TXLNB: variants seen among roughly 807,000 people sequenced by gnomAD.
The protein encoded by TXLNB is beta-taxilin.
Under a neutral mutation model 57.4 loss-of-function variants are expected in TXLNB, and 37 were observed. The ratio of observed to expected loss-of-function variants is 0.64; its 90% CI spans 0.50 to 0.85. The LOEUF (loss-of-function observed/expected upper bound fraction) is 0.85, where lower values mean the gene tolerates loss of function less well. Among genes scored for constraint, TXLNB ranks in the 40% least tolerant of loss-of-function variants. The pLI, the probability that TXLNB is intolerant of heterozygous loss-of-function variation, is 0.00. For synonymous variants in TXLNB, 302 were observed against 309.6 expected (o/e 0.98, Z 0.26); for missense variants, 848 against 825.6 (o/e 1.03, Z -0.33).
chr6:139,238,228 T>C (rs933433515), downstream of TXLNB, among the ~76,000 whole-genome samples: 4 of 152,074 alleles, frequency 2.6e-5, no homozygotes, highest in Non-Finnish European at 4.4e-5. Flanking sequence ...ACCCCGTCTC[T>C]ACTAAAAATA....
chr6:139,217,425 AAAT>A, the TXLNB span, among the ~76,000 whole-genome samples: 3 of 152,214 alleles, frequency 2.0e-5, no homozygotes, highest in African/African-American at 7.2e-5. Flanking sequence ...TTATGAGTGA[AAAT>A]AAGAGCTAAT....
At chr6:139,193,840 A>ATATATATTTT in the TXLNB span, among the ~76,000 whole-genome samples, 1 of 85,236 alleles carries the variant, frequency 1.2e-5, no homozygotes, top group African/African-American at 5.0e-5. Context: ...ATATATATAT[A>ATATATATTTT]TTTTTTTTTT....
At chr6:139,253,312 T>TA in intron 7 of TXLNB, among the ~76,000 whole-genome samples, 1 of 152,322 alleles carries the variant, frequency 6.6e-6, no homozygotes, top group African/African-American at 2.4e-5. Context: ...TTTAAAAACT[T>TA]AAACATAGGC....
chr6:139,193,881 G>A, the TXLNB span, among the ~76,000 whole-genome samples: 5,616 of 123,274 alleles, frequency 0.046, 129 homozygotes, highest in Middle Eastern at 0.077. Flanking sequence ...TCGCTCTGTC[G>A]CCCAGGCTGG....
intron 2 of TXLNB, 102 bp downstream of exon 2, chr6:139,288,374 T>A: frequency 9.0e-7 from 1 of 1,107,934 alleles, no homozygotes; most frequent in East Asian, 2.4e-5. Context: ...GCTACTACAG[T>A]CATCCAAATA....
chr6:139,243,958 C>A (rs1776011347), intron 9 of TXLNB, among the ~76,000 whole-genome samples: 1 of 152,104 alleles, frequency 6.6e-6, no homozygotes, highest in African/African-American at 2.4e-5. Flanking sequence ...TCCTTCACCT[C>A]ACCTCTGAGC....
At chr6:139,159,522 GA>G in the TXLNB span, among the ~76,000 whole-genome samples, 1 of 152,120 alleles carries the variant, frequency 6.6e-6, no homozygotes, top group Non-Finnish European at 1.5e-5. Context: ...TTAGTTTGAG[GA>G]AGTGAGGGTG....
intron 4 of TXLNB, chr6:139,269,258 C>A (rs1484129032): frequency 6.6e-6 from 1 of 152,238 alleles, no homozygotes; most frequent in Non-Finnish European, 1.5e-5. Context: ...TCATTCTACT[C>A]TTTATATCTC....
At chr6:139,276,557 A>G (rs1776900783) in intron 3 of TXLNB, among the ~76,000 whole-genome samples, 1 of 152,208 alleles carries the variant, frequency 6.6e-6, no homozygotes, top group Non-Finnish European at 1.5e-5. Flanking sequence ...CCTGATTTAG[A>G]TAACCAAATG....
chr6:139,286,028 C>T (rs1370995515), intron 2 of TXLNB, among the ~76,000 whole-genome samples: 4 of 151,726 alleles, frequency 2.6e-5, no homozygotes, highest in African/African-American at 9.7e-5. Context: ...CTTTCAGTGG[C>T]CTTGTCATAT....
chr6:139,168,913 A>AATGTCACT, the TXLNB span, among the ~76,000 whole-genome samples: 15 of 152,094 alleles, frequency 9.9e-5, no homozygotes, highest in African/African-American at 3.6e-4. Flanking sequence ...CCCATCTTAC[A>AATGTCACT]ATGTCACTAT....
Position 139,242,875 on chromosome 6 carries a change from C to T in TXLNB, c.1706G>A (p.Ser569Asn), listed in dbSNP as rs1481739368. The T allele has an allele frequency of 1.2e-6, 2 of 1,614,050 alleles. No individual in the cohort carries two copies. The highest frequency in any genetic ancestry group is 1.1e-5 in the South Asian group (1 of 91,090). The change falls in exon 10 of 10, where the codon AGT becomes AAT. Residue 569 changes from serine (S) to asparagine (N), a missense_variant. Ser to Asn is a conservative substitution (Grantham distance 46). Coordinates refer to ENST00000358430, the MANE Select transcript of TXLNB (RefSeq NM_153235.4). ...LTPQAEAEGG[S>N]DAEPPSKASN... Reference sequence around the variant, plus strand: ...GGCCTTGGAGGGAGGTTCAGCATCACTGCCTCCTTCGGCTTCAGCCTGAGG... The same window carrying T: ...GGCCTTGGAGGGAGGTTCAGCATCATTGCCTCCTTCGGCTTCAGCCTGAGG...
At chr6:139,321,119 T>C in the TXLNB span, among the ~76,000 whole-genome samples, 1 of 152,234 alleles carries the variant, frequency 6.6e-6, no homozygotes, top group Non-Finnish European at 1.5e-5. Flanking sequence ...TGAATCCTGA[T>C]ACTAGCCTGT....
chr6:139,308,132 A>G, the TXLNB span, among the ~76,000 whole-genome samples: 2 of 152,188 alleles, frequency 1.3e-5, no homozygotes, highest in Non-Finnish European at 2.9e-5. Context: ...CTACCTACTG[A>G]GAGCTCTAGA....
rs1562269874 is a variant in TXLNB at position 139,242,825 on chromosome 6, C to T, written c.1756G>A (p.Ala586Thr). The T allele has an allele frequency of 1.2e-6, 2 of 1,614,168 alleles. No individual in the cohort carries two copies. The highest frequency in any genetic ancestry group is 1.7e-6 in the Non-Finnish European group (2 of 1,180,044). The part of the protein sequence containing the change: ...KASNSPAGLG[A>T]ETQCEGLPVG... ...GGGAGACCCTCGCATTGGGTTTCTG[C>T]TCCCAACCCGGCAGGAGAATTACTG... The change falls in exon 10 of 10, where the codon GCA becomes ACA. Residue 586 changes from alanine to threonine, a missense_variant. Physicochemically the swap from Ala to Thr is moderately conservative, Grantham distance 58 (BLOSUM62 0). Coordinates refer to ENST00000358430, the MANE Select transcript of TXLNB (RefSeq NM_153235.4).
the TXLNB span, among the ~76,000 whole-genome samples, chr6:139,217,794 G>A: frequency 6.6e-6 from 1 of 150,916 alleles, no homozygotes; most frequent in Admixed American, 6.6e-5. Flanking sequence ...GCTTGCACCT[G>A]GGAGGCGGAG....
intron 4 of TXLNB, among the ~76,000 whole-genome samples, chr6:139,267,102 T>A (rs1305075831): frequency 1.3e-5 from 2 of 151,888 alleles, no homozygotes; most frequent in Non-Finnish European, 2.9e-5. Context: ...ACCAGCAGAT[T>A]TGTACTATAA....
intron 2 of TXLNB, 66 bp downstream of exon 2, chr6:139,288,410 G>A (rs917378427): frequency 3.5e-6 from 5 of 1,447,316 alleles, no homozygotes; most frequent in Non-Finnish European, 4.7e-6. Context: ...AGTGAAGTTT[G>A]GAAGAAGTGC....
At chr6:139,250,986 C>G (rs1163343970) in intron 7 of TXLNB, among the ~76,000 whole-genome samples, 1 of 152,140 alleles carries the variant, frequency 6.6e-6, no homozygotes, top group Non-Finnish European at 1.5e-5. Context: ...AAGAAAAAGG[C>G]AGAATGTTCT....
Sources: allele counts gnomAD v4.1 joint callset (sites outside exome capture counted in the v4.1 genomes callset), GRCh38; gene constraint gnomAD v4.1.1; transcripts MANE v1.5; gene names NCBI Gene and HGNC (gene_info 2026-07-23, HGNC 2026-07-21).